The following RBM28 variants were observed in gnomAD, a reference collection of about 807,000 sequenced individuals.
RBM28 encodes the protein RNA-binding protein 28.
RBM28 carries 78 observed loss-of-function variants against 98.3 expected under a neutral mutation model. That is an observed-to-expected ratio of 0.79 (90% CI 0.66 to 0.96). RBM28 has a LOEUF of 0.96. Among genes scored for constraint, RBM28 ranks in the 40% least tolerant of loss-of-function variants. RBM28 has a pLI of 0.00. For synonymous variants in RBM28, 306 were observed against 330.9 expected, an observed-to-expected ratio of 0.92 and a Z score of 0.82; for missense variants, 838 against 913.0, an observed-to-expected ratio of 0.92 and a Z score of 1.06.
Position 128,303,261 on chromosome 7 carries a change from G to A in RBM28, c.*7536C>T, listed in dbSNP as rs775823147. ...TAGAGACAGCACTCACGGCCAAGTG[G>A]GACCTTGCTCTGGTACTAGCTCAGG... On this transcript the variant is annotated 3_prime_UTR_variant, in exon 19 of 19. Transcript: ENST00000223073. 1.1e-4 allele frequency: 17 copies of A among 152,204 alleles called. No homozygotes were observed. The highest frequency in any genetic ancestry group is 1.8e-4 in the Non-Finnish European group (12 of 68,054). 9.4% of individuals were successfully genotyped at this position (152,204 alleles called of 1,614,324 possible). A position where few individuals can be genotyped will look rare whatever the true frequency, so the allele number is the denominator to read the frequency against.
At chr7:128,339,384 A>G in intron 2 of RBM28, 63 bp from the exon 3 acceptor site, 1 of 1,375,798 alleles carries the variant, frequency 7.3e-7, no homozygotes, top group South Asian at 1.2e-5. Context: ...CCAGAACATC[A>G]CAGAAAAAAA....
chr7:128,321,286 T>C lies in RBM28; in HGVS notation c.1543A>G (p.Lys515Glu). The C allele has an allele frequency of 6.2e-7, 1 of 1,614,210 alleles. No individual in the cohort carries two copies. Among genetic ancestry groups the C allele is most frequent in the Non-Finnish European group, 8.5e-7 (1 of 1,180,022 alleles). ...KLLLSATSGE[K>E]GVRIKECRVM... is the part of the protein sequence containing the mutation. The stretch of plus-strand genomic sequence containing the variant: ...CTCACCTCCTTGATGCGCACCCCTT[T>C]CTCTCCACTAGTAGCACTCAGCAGC... The change falls in exon 14 of 19, where the codon AAA becomes GAA. Residue 515 changes from lysine (K) to glutamate (E), a missense_variant. Physicochemically the swap from Lys to Glu is moderately conservative, Grantham distance 56. Coordinates refer to ENST00000223073, the MANE Select transcript of RBM28 (RefSeq NM_018077.3).
At position 128,316,918 on chromosome 7, in the gene RBM28, T is replaced by C. The variant is rs1049665177; in HGVS notation, c.1788+741A>G. ...TGGTATATACCACAAAGACTACAAA[T>C]GTTTGCTGTATATGCAAGGGAACTT... On this transcript the variant is annotated intron_variant, in intron 16 of 18. Transcript: ENST00000223073. Among the ~76,000 whole-genome samples the C allele has an allele frequency of 8.5e-4, 129 of 152,152 alleles. 1 individual carries two copies. The highest frequency in any genetic ancestry group is 5.3e-4 in the Non-Finnish European group (36 of 68,030).
At position 128,318,011 on chromosome 7, in the gene RBM28, G is replaced by A; in HGVS notation, c.1659C>T (p.Ala553=). ...AFAEFQEHEH[A]LKALRLINNN... is the part of the protein sequence containing the mutation. ...TGTTGATGAGGCGGAGGGCTTTCAG[G>A]GCATGCTCGTGCTCTTGGAACTCCG... is the stretch of plus-strand genomic sequence containing the variant. Residue 553 remains alanine (A), a synonymous_variant, in exon 15 of 19, where the codon GCC becomes GCT. Transcript: ENST00000223073. The A allele has an allele frequency of 6.2e-7, 1 of 1,614,178 alleles. No homozygotes were observed. The highest frequency in any genetic ancestry group is 8.5e-7 in the Non-Finnish European group (1 of 1,180,034).
intron 1 of RBM28, among the ~76,000 whole-genome samples, chr7:128,343,248 T>G (rs1796767392): frequency 6.6e-6 from 1 of 152,192 alleles, no homozygotes; most frequent in Non-Finnish European, 1.5e-5. Context: ...GGTCCACTAC[T>G]TAACAGCCGT....
In RBM28 at chr7:128,318,043, C is replaced by T; in HGVS notation, c.1627G>A (p.Ala543Thr). The part of the protein sequence containing the change: ...GNMKGQSLGY[A>T]FAEFQEHEHA... ...TCGTGCTCTTGGAACTCCGCAAAGG[C>T]GTAGCCCAGGGACTGACCCTTCATG... The change falls in exon 15 of 19, where the codon GCC becomes ACC. Residue 543 changes from alanine to threonine, a missense_variant. Coordinates refer to ENST00000223073, the MANE Select transcript of RBM28 (RefSeq NM_018077.3). 1.2e-6 allele frequency: 2 copies of T among 1,614,070 alleles called. No homozygotes were observed. Among genetic ancestry groups the T allele is most frequent in the South Asian group, 1.1e-5 (1 of 91,084 alleles).
chr7:128,305,115 T>C lies in RBM28; in HGVS notation c.*5682A>G, dbSNP rs6467170. ...TGGAGGTTGCAGTGAGCTGAGATCA[T>C]GCCACTGCACTCCAGCCCTGGGCAA... On this transcript the variant is annotated 3_prime_UTR_variant, in exon 19 of 19. Coordinates refer to ENST00000223073, the MANE Select transcript of RBM28 (RefSeq NM_018077.3). The C allele has an allele frequency of 0.11, 16,708 of 146,928 alleles. 1,484 individuals are homozygous for C. The highest frequency in any genetic ancestry group is 0.25 in the African/African-American group (9,915 of 39,828). 9.1% of individuals were successfully genotyped at this position (146,928 alleles called of 1,614,324 possible). A position where few individuals can be genotyped will look rare whatever the true frequency, so the allele number is the denominator to read the frequency against.
chr7:128,328,890 T>C (rs919382631), intron 10 of RBM28, among the ~76,000 whole-genome samples: 35 of 152,148 alleles, frequency 2.3e-4, no homozygotes, highest in African/African-American at 8.2e-4. Context: ...AGTCTATCTG[T>C]AGCATAGCTG....
At position 128,343,746 on chromosome 7, in the gene RBM28, G is replaced by A. The variant is rs1290319878; in HGVS notation, c.48C>T (p.Arg16=). ...LFVGRLPPSA[R]SEQLEELFSQ... ...TGAACAGTTCCTCCAGCTGCTCACT[G>A]CGGGCCGAGGGCGGGAGGCGGCCCA... The change falls in exon 1 of 19, where the codon CGC becomes CGT. Residue 16 remains arginine, a synonymous_variant. Coordinates refer to ENST00000223073, the MANE Select transcript of RBM28 (RefSeq NM_018077.3). The A allele has an allele frequency of 5.6e-6, 9 of 1,610,636 alleles. No individual in the cohort carries two copies. Among genetic ancestry groups the A allele is most frequent in the Admixed American group, 1.7e-5 (1 of 59,720 alleles).
chr7:128,342,286 T>C (rs935650437), intron 1 of RBM28, among the ~76,000 whole-genome samples: 88 of 152,344 alleles, frequency 5.8e-4, no homozygotes, highest in Middle Eastern at 3.4e-3. Flanking sequence ...GTACATAAGC[T>C]TTTGTCCTAT....
Position 128,301,801 on chromosome 7 carries a change from G to C in RBM28, c.*8996C>G, listed in dbSNP as rs559917585. ...CCTGCTCTCTACTAGGGATTCCTAGGGGGTGGCCAAGAGAAGGAAAGACAC... is the reference window on the plus strand; with the variant it reads ...CCTGCTCTCTACTAGGGATTCCTAGCGGGTGGCCAAGAGAAGGAAAGACAC... On this transcript the variant is annotated 3_prime_UTR_variant, in exon 19 of 19. Transcript: ENST00000223073. 6.6e-6 allele frequency: 1 copy of C among 152,224 alleles called. No individual in the cohort carries two copies. Among genetic ancestry groups the C allele is most frequent in the Admixed American group, 6.5e-5 (1 of 15,284 alleles). 9.4% of individuals were successfully genotyped at this position (152,224 alleles called of 1,614,324 possible).
At chr7:128,321,763 T>C (rs974948733) in intron 13 of RBM28, among the ~76,000 whole-genome samples, 12 of 151,992 alleles carry the variant, frequency 7.9e-5, no homozygotes, top group African/African-American at 2.9e-4. Context: ...TGAGATAATA[T>C]AAGGCTGGGC....
At position 128,307,529 on chromosome 7, in the gene RBM28, T is replaced by C. The variant is rs1262840664; in HGVS notation, c.*3268A>G. The C allele has an allele frequency of 6.6e-6, 1 of 152,118 alleles. No homozygotes were observed. The highest frequency in any genetic ancestry group is 2.4e-5 in the African/African-American group (1 of 41,364). The allele number at this position is 152,118 out of a possible 1,614,324, so 9.4% of individuals were successfully genotyped here. ...TGAATCACATGCCCTAACTTTATAA[T>C]AGAGGAAGGCACAGATCTCATTTTT... On this transcript the variant is annotated 3_prime_UTR_variant, in exon 19 of 19. Transcript: ENST00000223073.
chr7:128,315,902 A>AG (rs1305793758), intron 16 of RBM28, among the ~76,000 whole-genome samples: 1 of 152,240 alleles, frequency 6.6e-6, no homozygotes, highest in Non-Finnish European at 1.5e-5. Context: ...TTTTCAAGAA[A>AG]GGAAGAACAT....
chr7:128,321,026 C>T (rs767239368), intron 14 of RBM28, among the ~76,000 whole-genome samples: 8 of 152,172 alleles, frequency 5.3e-5, no homozygotes, highest in Non-Finnish European at 1.2e-4. Flanking sequence ...ATTAGCCAGG[C>T]GTGGTGGCGC....
chr7:128,326,156 T>C (rs1037707962), intron 10 of RBM28, among the ~76,000 whole-genome samples: 1 of 151,978 alleles, frequency 6.6e-6, no homozygotes, highest in African/African-American at 2.4e-5. Flanking sequence ...TACAAAAAAT[T>C]AGCCAGGCGT....
chr7:128,343,642 AC>A (rs1796777119), intron 1 of RBM28, 33 bp downstream of exon 1: 1 of 1,508,430 alleles, frequency 6.6e-7, no homozygotes, highest in African/African-American at 1.4e-5. Context: ...ATCGCAGGAA[AC>A]CCCAGCCCTA....
At chr7:128,318,248 G>T in intron 14 of RBM28, 142 bp from the exon 15 acceptor site, 2 of 871,472 alleles carry the variant, frequency 2.3e-6, no homozygotes, top group Non-Finnish European at 3.6e-6. Flanking sequence ...ACCTTGGGAG[G>T]CCGAGACAGG....
Position 128,306,776 on chromosome 7 carries a change from C to T in RBM28, c.*4021G>A, listed in dbSNP as rs1365192539. The T allele has an allele frequency of 2.0e-5, 3 of 152,430 alleles. No homozygotes were observed. The highest frequency in any genetic ancestry group is 7.2e-5 in the African/African-American group (3 of 41,456). 9.4% of individuals were successfully genotyped at this position (152,430 alleles called of 1,614,324 possible). On this transcript the variant is annotated 3_prime_UTR_variant, in exon 19 of 19. Transcript: ENST00000223073. ...AGAATTAGTTCCCAGTCTGTGCCTT[C>T]CAATCTTCCCAGTATATTCCTTTAC...
Sources: allele counts gnomAD v4.1 joint callset (sites outside exome capture counted in the v4.1 genomes callset), GRCh38; gene constraint gnomAD v4.1.1; transcripts MANE v1.5; gene names NCBI Gene and HGNC (gene_info 2026-07-23, HGNC 2026-07-21).